ELF1: variants seen among roughly 807,000 people sequenced by gnomAD.
ELF1 encodes ETS-related transcription factor Elf-1.
ELF1 carries 24 observed loss-of-function variants against 59.9 expected under a neutral mutation model. The observed-to-expected ratio is 0.40, with a 90% CI of 0.29 to 0.56. The LOEUF is 0.56. Among genes scored for constraint, ELF1 ranks in the 20% least tolerant of loss-of-function variants. The pLI is 0.44. For missense variants in ELF1, 627 were observed against 742.2 expected, an observed-to-expected ratio of 0.84 and a Z score of 1.80; for synonymous variants, 248 against 266.2, an observed-to-expected ratio of 0.93 and a Z score of 0.67.
chr13:41,047,916 T>C (rs1012538757), intron 1 of ELF1, among the ~76,000 whole-genome samples: 3 of 152,206 alleles, frequency 2.0e-5, no homozygotes, highest in African/African-American at 7.2e-5. Context: ...TGAGCTGCAA[T>C]GGGCTCCACC....
At chr13:40,940,165 T>C (rs1870037318) in intron 8 of ELF1, among the ~76,000 whole-genome samples, 2 of 152,134 alleles carry the variant, frequency 1.3e-5, no homozygotes, top group African/African-American at 4.8e-5. Context: ...AAAGGGCTGC[T>C]AGATTTTATT....
At position 41,047,048 on chromosome 13, in the gene ELF1, C is replaced by A. The variant is rs545702381; in HGVS notation, c.-229+13790G>T. On this transcript the variant is annotated intron_variant, in intron 1 of 1. Transcript: ENST00000405737. ...TTATTTGATCTTCAATCACTGATAC[C>A]CTTTCTTCCAGTTGATCAAATCGGC... Among the ~76,000 whole-genome samples, 4 of 152,194 alleles carry A rather than the reference C, an allele frequency of 2.6e-5. No homozygotes were observed. The South Asian group carries it at 8.3e-4, about 32-fold the overall frequency.
At chr13:41,042,565 T>A (rs1055875106) in intron 1 of ELF1, among the ~76,000 whole-genome samples, 1 of 152,120 alleles carries the variant, frequency 6.6e-6, no homozygotes, top group Non-Finnish European at 1.5e-5. Flanking sequence ...GGTGTTTGGT[T>A]TTTTGTCCTT....
At chr13:40,937,153 A>C (rs921190475) in intron 8 of ELF1, among the ~76,000 whole-genome samples, 1 of 152,248 alleles carries the variant, frequency 6.6e-6, no homozygotes, top group Non-Finnish European at 1.5e-5. Context: ...TTAGTTAATG[A>C]TTAAACTGTC....
chr13:41,052,702 A>T (rs2138436161), intron 1 of ELF1, among the ~76,000 whole-genome samples: 1 of 152,044 alleles, frequency 6.6e-6, no homozygotes, highest in South Asian at 2.1e-4. Context: ...GGAGACAGAG[A>T]GACTCCCTGT....
intron 1 of ELF1, among the ~76,000 whole-genome samples, chr13:41,053,029 A>G (rs1353991471): frequency 6.6e-6 from 1 of 152,150 alleles, no homozygotes; most frequent in Non-Finnish European, 1.5e-5. Flanking sequence ...GTCACACTAC[A>G]TTTTTCAGAA....
chr13:41,047,470 T>C (rs990177069), intron 1 of ELF1, among the ~76,000 whole-genome samples: 4 of 152,106 alleles, frequency 2.6e-5, no homozygotes, highest in African/African-American at 9.7e-5. Context: ...TGGATGTCCT[T>C]TCTGTTTGTT....
intron 1 of ELF1, among the ~76,000 whole-genome samples, chr13:41,047,340 G>A (rs1876892763): frequency 2.0e-5 from 3 of 152,212 alleles, no homozygotes; most frequent in Admixed American, 6.5e-5. Context: ...TTCCTTTGGA[G>A]GGGGAGAAGT....
intron 2 of ELF1, among the ~76,000 whole-genome samples, chr13:40,972,002 A>C (rs551804720): frequency 6.6e-6 from 1 of 152,294 alleles, no homozygotes; most frequent in Non-Finnish European, 1.5e-5. Flanking sequence ...CTTTACTTAC[A>C]AACTAAGTAG....
chr13:41,001,006 T>C (rs1456467254), intron 1 of ELF1, among the ~76,000 whole-genome samples: 1 of 150,496 alleles, frequency 6.6e-6, no homozygotes, highest in Non-Finnish European at 1.5e-5. Context: ...AGACAGAGTC[T>C]CACTCTGTCG....
At chr13:41,000,726 T>C (rs1489275895) in intron 1 of ELF1, among the ~76,000 whole-genome samples, 2 of 152,142 alleles carry the variant, frequency 1.3e-5, no homozygotes, top group East Asian at 3.8e-4. Context: ...ACCTAATGTC[T>C]AATAAGTTCT....
intron 2 of ELF1, among the ~76,000 whole-genome samples, chr13:40,973,262 G>A (rs758769400): frequency 1.2e-4 from 18 of 152,078 alleles, no homozygotes; most frequent in Non-Finnish European, 1.9e-4. Context: ...GTGGGAACAG[G>A]TTAAATGGGT....
chr13:40,985,459 A>G (rs1393294057), intron 1 of ELF1, among the ~76,000 whole-genome samples: 1 of 152,222 alleles, frequency 6.6e-6, no homozygotes, highest in Non-Finnish European at 1.5e-5. Flanking sequence ...TTCCTAAATC[A>G]GGACTCTCTC....
upstream of ELF1, among the ~76,000 whole-genome samples, chr13:41,023,192 C>G (rs1875755103): frequency 6.6e-6 from 1 of 152,128 alleles, no homozygotes. Context: ...TCCACCAAAA[C>G]AGAATTTATA....
chr13:40,963,981 G>A (rs994569323), intron 2 of ELF1, among the ~76,000 whole-genome samples: 2 of 151,802 alleles, frequency 1.3e-5, no homozygotes, highest in Non-Finnish European at 2.9e-5. Context: ...AATACATTTA[G>A]GAAACACCTC....
chr13:41,044,437 A>C (rs1876754768), intron 1 of ELF1, among the ~76,000 whole-genome samples: 1 of 152,160 alleles, frequency 6.6e-6, no homozygotes, highest in Non-Finnish European at 1.5e-5. Flanking sequence ...GTTTGTCATA[A>C]ATAGCTCTTA....
At chr13:40,987,036 C>T (rs1873589758) in intron 1 of ELF1, among the ~76,000 whole-genome samples, 1 of 144,450 alleles carries the variant, frequency 6.9e-6, no homozygotes, top group Admixed American at 7.1e-5. Context: ...CCCGGGTTCA[C>T]GCCATTCTCC....
upstream of ELF1, among the ~76,000 whole-genome samples, chr13:41,021,986 C>G (rs928997605): frequency 6.6e-6 from 1 of 152,150 alleles, no homozygotes; most frequent in Non-Finnish European, 1.5e-5. Flanking sequence ...TTAGCCACTT[C>G]GGAAGATAGT....
chr13:41,060,107 G>A (rs905475300), intron 1 of ELF1, among the ~76,000 whole-genome samples: 3 of 152,174 alleles, frequency 2.0e-5, no homozygotes, highest in Non-Finnish European at 2.9e-5. Context: ...GGCCGGCCTC[G>A]CGCTTGCTCA....
Sources: gnomAD v4.1 joint callset for allele counts (sites outside exome capture counted in the v4.1 genomes callset) on GRCh38, gnomAD v4.1.1 for gene constraint, MANE v1.5 for transcripts, NCBI Gene and HGNC (gene_info 2026-07-23, HGNC 2026-07-21) for gene names.